GPR35: variants seen among roughly 807,000 people sequenced by gnomAD.
GPR35 encodes the protein G protein-coupled receptor 35.
For synonymous variants in GPR35, 207 were observed against 198.4 expected (o/e 1.04, Z -0.36); for missense variants, 372 against 422.5 (o/e 0.88, Z 1.05).
chr2:240,607,580 T>C (rs985995536), intron 2 of GPR35: 3 of 152,222 alleles, frequency 2.0e-5, no homozygotes, highest in African/African-American at 7.2e-5. Flanking sequence ...AGGTACTTTG[T>C]TTTCCAATGC....
rs2043463157 is a variant in GPR35, at chr2:240,632,698, T to C, written c.*1816T>C. Among the ~76,000 whole-genome samples, 1 of 137,220 alleles carries C rather than the reference T, an allele frequency of 7.3e-6. No individual in the cohort carries two copies. Among genetic ancestry groups the C allele is most frequent in the Non-Finnish European group, 1.6e-5 (1 of 63,456 alleles). The allele number at this position is 137,220 out of a possible 152,430, so 90.0% of individuals were successfully genotyped here. ...CCCAGTAAGGGCCATGCCCATGAGA[T>C]CCTCATGCCCAGGAAGGCCCATGCC... On this transcript the variant is annotated 3_prime_UTR_variant, in exon 2 of 2. Coordinates refer to ENST00000407714, the MANE Select transcript of GPR35 (RefSeq NM_005301.5).
chr2:240,630,663 G>A lies in GPR35; in HGVS notation c.711G>A (p.Leu237=), dbSNP rs752386747. Residue 237 remains leucine (L), a synonymous_variant, in exon 2 of 2, where the codon CTG becomes CTA. Transcript: ENST00000407714. ...VVCFLPLHVG[L]TVRLAVGWNA... ...GCTTCCTGCCCCTGCACGTGGGGCT[G>A]ACAGTGCGCCTCGCAGTGGGCTGGA... 1 of 1,613,236 alleles carries A rather than the reference G, an allele frequency of 6.2e-7. No individual in the cohort carries two copies. Among genetic ancestry groups the A allele is most frequent in the South Asian group, 1.1e-5 (1 of 91,086 alleles).
chr2:240,625,447 G>A (rs2043357813), upstream of GPR35: 2 of 985,560 alleles, frequency 2.0e-6, no homozygotes, highest in African/African-American at 1.7e-5. Context: ...CAGAGTCAGG[G>A]ACCAGCCCTG....
intron 1 of GPR35, among the ~76,000 whole-genome samples, chr2:240,625,822 G>C (rs1156349737): frequency 1.8e-4 from 15 of 85,522 alleles, no homozygotes; most frequent in East Asian, 4.0e-4. Flanking sequence ...GGGTGAGGCT[G>C]TGATGGGTGT....
intron 2 of GPR35, among the ~76,000 whole-genome samples, chr2:240,610,152 G>A (rs1394953927): frequency 6.6e-6 from 1 of 152,044 alleles, no homozygotes; most frequent in Non-Finnish European, 1.5e-5. Context: ...TAGAGACGGG[G>A]TTTCACCATC....
At chr2:240,620,301 TG>T (rs1402979636) in intron 5 of GPR35, among the ~76,000 whole-genome samples, 2 of 152,122 alleles carry the variant, frequency 1.3e-5, no homozygotes, top group African/African-American at 2.4e-5. Flanking sequence ...TGGCCAGGGC[TG>T]GGATCTCCCT....
chr2:240,623,335 C>T (rs1301060462), upstream of GPR35, among the ~76,000 whole-genome samples: 2 of 144,382 alleles, frequency 1.4e-5, no homozygotes, highest in Non-Finnish European at 3.1e-5. Context: ...AGGGCGCAAA[C>T]AGGTCGTGAG....
At chr2:240,621,379 C>T (rs1025469598), upstream of GPR35, among the ~76,000 whole-genome samples, 12 of 152,068 alleles carry the variant, frequency 7.9e-5, no homozygotes, top group South Asian at 2.1e-4. Context: ...CTCAGCTTCC[C>T]GAGTAGCTGG....
At chr2:240,607,670 A>G (rs973326335) in intron 2 of GPR35, 1 of 152,056 alleles carries the variant, frequency 6.6e-6, no homozygotes, top group Non-Finnish European at 1.5e-5. Context: ...TTGGTATATT[A>G]ATCTTGTATC....
At chr2:240,626,543 G>A (rs568420782) in intron 1 of GPR35, among the ~76,000 whole-genome samples, 16 of 152,244 alleles carry the variant, frequency 1.1e-4, no homozygotes, top group African/African-American at 3.9e-4. Context: ...TGGAGCCTGT[G>A]TCTGGGTAGC....
intron 2 of GPR35, among the ~76,000 whole-genome samples, chr2:240,610,795 C>T (rs902781048): frequency 7.9e-5 from 12 of 151,716 alleles, no homozygotes; most frequent in African/African-American, 1.9e-4. Context: ...CCACCACGCC[C>T]GGCTAATTTT....
At chr2:240,615,935 A>C (rs773089523) in intron 2 of GPR35, among the ~76,000 whole-genome samples, 1 of 152,214 alleles carries the variant, frequency 6.6e-6, no homozygotes, top group Non-Finnish European at 1.5e-5. Context: ...ATTGGATCTG[A>C]GGAGTCTGGC....
At chr2:240,626,619 C>G (rs183927076) in intron 1 of GPR35, among the ~76,000 whole-genome samples, 1 of 152,130 alleles carries the variant, frequency 6.6e-6, no homozygotes, top group African/African-American at 2.4e-5. Context: ...GCTGTGGCCC[C>G]GAGGTGAGCA....
upstream of GPR35, among the ~76,000 whole-genome samples, chr2:240,622,439 C>T (rs1453040684): frequency 6.6e-6 from 1 of 152,216 alleles, no homozygotes; most frequent in East Asian, 1.9e-4. Context: ...CAGGGCTGTC[C>T]AATCTTTTGG....
chr2:240,616,391 T>G, exon 3 of GPR35: 1 of 777,510 alleles, frequency 1.3e-6, no homozygotes, highest in Non-Finnish European at 2.4e-6. Context: ...CTCCTAGGTC[T>G]CTTGCCCTGT....
At chr2:240,612,961 C>T (rs1270752607) in intron 2 of GPR35, among the ~76,000 whole-genome samples, 1 of 152,242 alleles carries the variant, frequency 6.6e-6, no homozygotes, top group Admixed American at 6.5e-5. Context: ...AACCCAGCCT[C>T]AGCTGCAGAC....
chr2:240,628,087 G>C (rs2125488082), intron 1 of GPR35: 1 of 152,520 alleles, frequency 6.6e-6, no homozygotes, highest in South Asian at 2.1e-4. Context: ...GTACTCAGGT[G>C]GGGAGAGTAG....
chr2:240,620,190 G>C (rs1461698280), intron 5 of GPR35, among the ~76,000 whole-genome samples: 1 of 152,138 alleles, frequency 6.6e-6, no homozygotes. Context: ...TGGGTCCCCA[G>C]GAGCAGGCAG....
intron 1 of GPR35, 142 bp downstream of exon 1, chr2:240,625,710 G>C (rs2043362276): frequency 3.6e-6 from 1 of 277,266 alleles, no homozygotes; most frequent in Admixed American, 6.3e-5. Flanking sequence ...GCTGTGACGG[G>C]GGTTCTCAGA....
Sources: allele counts gnomAD v4.1 joint callset (sites outside exome capture counted in the v4.1 genomes callset), GRCh38; gene constraint gnomAD v4.1.1; transcripts MANE v1.5; gene names NCBI Gene and HGNC (gene_info 2026-07-23, HGNC 2026-07-21).